LRP1B: variants seen among roughly 807,000 people sequenced by gnomAD.
The protein encoded by LRP1B is LDL receptor related protein 1B, also known as low-density lipoprotein receptor-related protein 1B.
Under a neutral mutation model 556.6 loss-of-function variants are expected in LRP1B, and 217 were observed. That is an observed-to-expected ratio of 0.39 (90% CI 0.35 to 0.44). The LOEUF is 0.44. Ranked by LOEUF, LRP1B falls within the 20% of genes least tolerant of loss-of-function variation. The probability of loss-of-function intolerance (pLI) is 1.00; values close to 1 mark genes in which losing one functional copy is unlikely to be tolerated. For missense variants in LRP1B, 5,053 were observed against 5,620.8 expected, an observed-to-expected ratio of 0.90 and a Z score of 3.23; for synonymous variants, 2,047 against 1,865.8, an observed-to-expected ratio of 1.10 and a Z score of -2.50.
intron 35 of LRP1B, among the ~76,000 whole-genome samples, chr2:140,736,903 C>T (rs955101166): frequency 5.9e-5 from 9 of 152,014 alleles, no homozygotes; most frequent in African/African-American, 1.9e-4. Context: ...ACCAAAAGGC[C>T]GTAACTACCA....
At chr2:140,811,822 T>C (rs1559133656) in intron 32 of LRP1B, among the ~76,000 whole-genome samples, 1 of 152,144 alleles carries the variant, frequency 6.6e-6, no homozygotes, top group Non-Finnish European at 1.5e-5. Context: ...AAATAACCTA[T>C]TTGTCAAGTA....
chr2:141,168,084 G>A (rs538260364), intron 7 of LRP1B, among the ~76,000 whole-genome samples: 11 of 152,094 alleles, frequency 7.2e-5, no homozygotes, highest in Non-Finnish European at 1.2e-4. Context: ...ATGGGAATCA[G>A]GGTATATTAA....
At chr2:140,941,743 T>C (rs903464539) in intron 20 of LRP1B, among the ~76,000 whole-genome samples, 1 of 151,986 alleles carries the variant, frequency 6.6e-6, no homozygotes, top group African/African-American at 2.4e-5. Context: ...ACAACATACA[T>C]GTAAGTTAAA....
intron 43 of LRP1B, among the ~76,000 whole-genome samples, chr2:140,543,542 T>G (rs544426417): frequency 1.3e-5 from 2 of 152,056 alleles, no homozygotes; most frequent in African/African-American, 4.8e-5. Flanking sequence ...AACCATTTGA[T>G]AAGATATGGC....
chr2:140,885,159 C>T lies in LRP1B; in HGVS notation c.3964+979G>A, dbSNP rs76301113. Among the ~76,000 whole-genome samples the T allele has an allele frequency of 8.1e-3, 1,228 of 152,148 alleles. 45 individuals are homozygous for T. Among genetic ancestry groups the T allele is most frequent in the Admixed American group, 0.067 (1,029 of 15,270 alleles). On this transcript the variant is annotated intron_variant, in intron 24 of 90. Coordinates refer to ENST00000389484, the MANE Select transcript of LRP1B (RefSeq NM_018557.3). ...CCAATTAATCCTATGAATCTAAATC[C>T]ATCATTTTAAATCAGTATATGACAT...
In LRP1B at chr2:141,508,857, A is replaced by C. The variant is rs138801836; in HGVS notation, c.206-28324T>G. On this transcript the variant is annotated intron_variant, in intron 2 of 90. Transcript: ENST00000389484. ...TTCCCCCTTAAATTGTATTTCTCAT[A>C]GTCAATGGAGGTTATGGAAAGATAA... Among the ~76,000 whole-genome samples the C allele has an allele frequency of 8.2e-4, 125 of 152,150 alleles. 4 individuals are homozygous for C. The East Asian group carries it at 0.02, about 24-fold the overall frequency.
intron 2 of LRP1B, among the ~76,000 whole-genome samples, chr2:141,623,577 A>C: frequency 6.6e-6 from 1 of 152,132 alleles, no homozygotes; most frequent in Non-Finnish European, 1.5e-5. Flanking sequence ...AAATACCCTC[A>C]ATATTACCTG....
At chr2:140,474,332 C>T (rs1687883109) in intron 60 of LRP1B, among the ~76,000 whole-genome samples, 1 of 151,814 alleles carries the variant, frequency 6.6e-6, no homozygotes, top group African/African-American at 2.4e-5. Flanking sequence ...TCATCCTTCC[C>T]TCCTCCAGGG....
intron 41 of LRP1B, among the ~76,000 whole-genome samples, chr2:140,647,190 C>CTT (rs112174229): frequency 0.018 from 2,670 of 151,968 alleles, 43 homozygotes; most frequent in Admixed American, 0.047. Flanking sequence ...CCTTTAAATG[C>CTT]TTTTTTAAAA....
rs201736346 is a variant in LRP1B, at chr2:141,410,950, AT to A, written c.343+69445del. Among the ~76,000 whole-genome samples the A allele has an allele frequency of 1.9e-3, 293 of 151,230 alleles. 2 individuals carry two copies. Among genetic ancestry groups the A allele is most frequent in the South Asian group, 4.4e-3 (21 of 4,776 alleles). On this transcript the variant is annotated intron_variant, in intron 3 of 90. Transcript: ENST00000389484. ...TTCTAAGTATTTAAAAATGCACTTTATTTTTTTTTAAACTCTCCTAGCTATA... is the reference window on the plus strand; with the variant it reads ...TTCTAAGTATTTAAAAATGCACTTTATTTTTTTTAAACTCTCCTAGCTATA...
rs191407992 is a variant in LRP1B at position 140,528,078 on chromosome 2, A to T, written c.7763-1728T>A. 5.3e-5 allele frequency among the ~76,000 whole-genome samples: 8 copies of T among 152,016 alleles called. No individual in the cohort carries two copies. In the East Asian group the frequency reaches 1.6e-3, roughly 30 times the overall value. ...GTTTCACCATCACAATCTGCCTCCAATCTCCCATAGAGAATTCTCTGTCTG... is the reference window on the plus strand; with the variant it reads ...GTTTCACCATCACAATCTGCCTCCATTCTCCCATAGAGAATTCTCTGTCTG... On this transcript the variant is annotated intron_variant, in intron 47 of 90. Transcript: ENST00000389484.
At chr2:141,579,742 T>TTTTTTTTTTTTTTTTTTTTTTTTTTTTA (rs1686895633) in intron 2 of LRP1B, among the ~76,000 whole-genome samples, 1 of 147,860 alleles carries the variant, frequency 6.8e-6, no homozygotes, top group African/African-American at 2.5e-5. Flanking sequence ...TTTTTTTTTT[T>TTTTTTTTTTTTTTTTTTTTTTTTTTTTA]GAGACGGAGT....
intron 7 of LRP1B, among the ~76,000 whole-genome samples, chr2:141,157,093 T>C (rs1702085986): frequency 6.6e-6 from 1 of 152,116 alleles, no homozygotes; most frequent in African/African-American, 2.4e-5. Flanking sequence ...AACGAAGATG[T>C]TTTATGTCAC....
chr2:141,161,835 T>C (rs751655550), intron 7 of LRP1B, among the ~76,000 whole-genome samples: 6 of 152,074 alleles, frequency 3.9e-5, no homozygotes, highest in Non-Finnish European at 8.8e-5. Flanking sequence ...CACCTGTGTC[T>C]ACCCCTACGT....
intron 21 of LRP1B, among the ~76,000 whole-genome samples, chr2:140,912,545 T>C (rs1282744623): frequency 6.6e-6 from 1 of 151,680 alleles, no homozygotes; most frequent in Non-Finnish European, 1.5e-5. Flanking sequence ...TTACTAATTC[T>C]TTTTTAGAAG....
chr2:140,495,308 T>C (rs189487917), intron 56 of LRP1B, among the ~76,000 whole-genome samples: 2 of 143,818 alleles, frequency 1.4e-5, no homozygotes, highest in East Asian at 3.9e-4. Context: ...GTGCTAGAGA[T>C]AGTTCTTTTT....
At chr2:141,304,665 T>A (rs1421669757) in intron 3 of LRP1B, among the ~76,000 whole-genome samples, 1 of 150,976 alleles carries the variant, frequency 6.6e-6, no homozygotes, top group African/African-American at 2.4e-5. Flanking sequence ...TCTATATATA[T>A]ATATTTTTTA....
At chr2:141,011,023 T>C (rs1468075480) in intron 14 of LRP1B, among the ~76,000 whole-genome samples, 1 of 148,238 alleles carries the variant, frequency 6.7e-6, no homozygotes, top group Admixed American at 6.8e-5. Context: ...TATAAATAAA[T>C]ATAGTTTTTA....
intron 3 of LRP1B, among the ~76,000 whole-genome samples, chr2:141,442,794 G>A (rs1287758978): frequency 6.6e-6 from 1 of 152,146 alleles, no homozygotes; most frequent in Non-Finnish European, 1.5e-5. Flanking sequence ...ATTCCATGGT[G>A]TATATGTGCC....
Sources: gnomAD v4.1 joint callset for allele counts (sites outside exome capture counted in the v4.1 genomes callset) on GRCh38, gnomAD v4.1.1 for gene constraint, MANE v1.5 for transcripts, NCBI Gene and HGNC (gene_info 2026-07-23, HGNC 2026-07-21) for gene names.